Variants in ATP2C1 observed in about 807,000 individuals in gnomAD.
The protein encoded by ATP2C1 is ATPase secretory pathway Ca2+ transporting 1.
Under a neutral mutation model 120.5 loss-of-function variants are expected in ATP2C1, and 31 were observed. The ratio of observed to expected loss-of-function variants is 0.26; its 90% CI spans 0.19 to 0.35. The LOEUF is 0.35. ATP2C1 is among the 10% of genes least tolerant of loss of function. The pLI, the probability that ATP2C1 is intolerant of heterozygous loss-of-function variation, is 1.00. For missense variants in ATP2C1, 731 were observed against 1,107.5 expected, an observed-to-expected ratio of 0.66 and a Z score of 4.83; for synonymous variants, 351 against 358.7, an observed-to-expected ratio of 0.98 and a Z score of 0.24.
rs1286756230 is a variant in ATP2C1 at position 130,964,949 on chromosome 3, C to T, written c.1026C>T (p.Gly342=). 4 of 1,606,380 alleles carry T rather than the reference C, an allele frequency of 2.5e-6. No homozygotes were observed. The highest frequency in any genetic ancestry group is 3.4e-6 in the Non-Finnish European group (4 of 1,174,006). ...VKKLPIVETL[G]CCNVICSDKT... is the part of the protein sequence containing the mutation. ...ACTTGTAATGATTTAATTCTTTAGG[C>T]TGCTGTAATGTGATTTGTTCAGATA... Residue 342 remains glycine, a splice_region_variant and synonymous_variant, in exon 14 of 28, where the codon GGC becomes GGT. Transcript: ENST00000510168.
intron 2 of ATP2C1, among the ~76,000 whole-genome samples, chr3:130,916,075 A>G (rs2685177): frequency 0.18 from 26,827 of 152,098 alleles, 2,524 homozygotes; most frequent in Middle Eastern, 0.24. Context: ...ATTAGGTAAC[A>G]TTCCTTTTAG....
At chr3:130,942,393 T>C (rs77154756) in intron 8 of ATP2C1, among the ~76,000 whole-genome samples, 4,098 of 152,298 alleles carry the variant, frequency 0.027, 189 homozygotes, top group African/African-American at 0.093. Context: ...GTGTGTAGAA[T>C]AGATTGAAGA....
At position 130,956,044 on chromosome 3, in the gene ATP2C1, A is replaced by G. The variant is rs1445083230; in HGVS notation, c.757-60A>G. The stretch of plus-strand genomic sequence containing the variant: ...GTCAAGCACTTAGCAAGCCCCTGGC[A>G]CTTGATAAAGCTTAGTAAATATAGC... On this transcript the variant is annotated intron_variant, in intron 10 of 27. Transcript: ENST00000510168. The G allele has an allele frequency of 4.3e-6, 5 of 1,167,166 alleles. No individual in the cohort carries two copies. The East Asian group carries it at 1.2e-4, about 28-fold the overall frequency. The allele number at this position is 1,167,166 out of a possible 1,614,324, so 72.3% of individuals were successfully genotyped here. A position where few individuals can be genotyped will look rare whatever the true frequency, so the allele number is the denominator to read the frequency against.
At chr3:130,862,777 A>G (rs2068057838) in intron 1 of ATP2C1, among the ~76,000 whole-genome samples, 1 of 152,182 alleles carries the variant, frequency 6.6e-6, no homozygotes. Flanking sequence ...CAATTATATA[A>G]TCCACTAAAT....
chr3:130,948,313 T>A (rs1357744590), intron 8 of ATP2C1, among the ~76,000 whole-genome samples: 1 of 152,130 alleles, frequency 6.6e-6, no homozygotes, highest in Non-Finnish European at 1.5e-5. Context: ...TTTTAAAAGA[T>A]AATGTTGCCA....
intron 11 of ATP2C1, among the ~76,000 whole-genome samples, chr3:130,958,243 T>A (rs1468733096): frequency 6.6e-6 from 1 of 152,186 alleles, no homozygotes; most frequent in Non-Finnish European, 1.5e-5. Context: ...TTTTTGTTTT[T>A]TGTAAAGAAC....
At chr3:130,976,109 T>C (rs1474353444) in intron 18 of ATP2C1, among the ~76,000 whole-genome samples, 5 of 152,210 alleles carry the variant, frequency 3.3e-5, no homozygotes, top group Non-Finnish European at 5.9e-5. Context: ...TATATGTAGT[T>C]ATGTAGTCTC....
intron 2 of ATP2C1, chr3:130,899,280 C>T (rs1471639962): frequency 6.6e-6 from 1 of 152,142 alleles, no homozygotes; most frequent in Non-Finnish European, 1.5e-5. Context: ...AACTAAACTA[C>T]TAATAGTCTC....
chr3:130,999,488 T>C (rs2062788809), intron 26 of ATP2C1, 30 bp from the exon 27 acceptor site: 2 of 1,611,728 alleles, frequency 1.2e-6, no homozygotes, highest in Non-Finnish European at 1.7e-6. Context: ...GACCAAGGAG[T>C]AATAAATGAA....
chr3:130,902,112 T>A (rs1178903026), intron 2 of ATP2C1, among the ~76,000 whole-genome samples: 2 of 152,024 alleles, frequency 1.3e-5, no homozygotes, highest in Non-Finnish European at 2.9e-5. Context: ...TTTCCTCACT[T>A]GTAAAGAGAT....
chr3:130,975,610 C>A, intron 18 of ATP2C1, 122 bp downstream of exon 18: 1 of 1,182,102 alleles, frequency 8.5e-7, no homozygotes, highest in Non-Finnish European at 1.2e-6. Context: ...GAACCCTTGC[C>A]AGTATTGAGG....
At chr3:130,975,592 G>A (rs2061502712) in intron 18 of ATP2C1, 104 bp downstream of exon 18, 1 of 1,321,196 alleles carries the variant, frequency 7.6e-7, no homozygotes, top group South Asian at 1.3e-5. Flanking sequence ...TCACTTCCAG[G>A]ATTTGTAGAA....
intron 7 of ATP2C1, 41 bp from the exon 8 acceptor site, chr3:130,941,548 ATT>A (rs574910930): frequency 7.2e-5 from 84 of 1,172,500 alleles, no homozygotes; most frequent in Non-Finnish European, 8.1e-5. Flanking sequence ...AGTTGCATGA[ATT>A]TTTTTTTTTT....
intron 8 of ATP2C1, among the ~76,000 whole-genome samples, chr3:130,943,814 G>A (rs1244197232): frequency 6.6e-6 from 1 of 152,064 alleles, no homozygotes; most frequent in African/African-American, 2.4e-5. Flanking sequence ...AAAGAGTTGG[G>A]GATCTTTTAT....
At chr3:130,868,027 C>A in intron 1 of ATP2C1, 1 of 157,016 alleles carries the variant, frequency 6.4e-6, no homozygotes, top group Non-Finnish European at 1.4e-5. Flanking sequence ...ACCGCCCCGT[C>A]TGAGAAGTGA....
intron 2 of ATP2C1, among the ~76,000 whole-genome samples, chr3:130,921,132 AGTGCAGGG>A (rs1212048344): frequency 1.5e-5 from 2 of 135,208 alleles, no homozygotes; most frequent in Non-Finnish European, 3.0e-5. Context: ...CCCAGGCTGG[AGTGCAGGG>A]GCACAGTCTT....
chr3:130,992,126 G>A lies in ATP2C1; in HGVS notation c.1840-825G>A, dbSNP rs573696552. Among the ~76,000 whole-genome samples, 6 of 152,340 alleles carry A rather than the reference G, an allele frequency of 3.9e-5. No homozygotes were observed. In the East Asian group the frequency reaches 9.6e-4, roughly 24 times the overall value. On this transcript the variant is annotated intron_variant, in intron 20 of 27. Coordinates refer to ENST00000510168, the MANE Select transcript of ATP2C1 (RefSeq NM_001378687.1). ...GAATGCTTACAGTTAGTGAGTTACA[G>A]TCTCATCTGACATTCAGAACTGAGG...
intron 5 of ATP2C1, among the ~76,000 whole-genome samples, chr3:130,937,199 G>C (rs1348411173): frequency 6.6e-6 from 1 of 152,090 alleles, no homozygotes; most frequent in Non-Finnish European, 1.5e-5. Flanking sequence ...AGCATAAAAG[G>C]GCCCTGAGAT....
rs1326833130 is a variant in ATP2C1 at position 131,001,525 on chromosome 3, A to G, written c.*175A>G. ...CCTGCTGGCAGTCCCAAATGAAATT[A>G]TGCAACTTTGATATCATATTCCTTG... is the stretch of plus-strand genomic sequence containing the variant. On this transcript the variant is annotated 3_prime_UTR_variant, in exon 28 of 28. Transcript: ENST00000510168. 10 of 1,312,774 alleles carry G rather than the reference A, an allele frequency of 7.6e-6. No homozygotes were observed. The highest frequency in any genetic ancestry group is 1.5e-5 in the African/African-American group (1 of 66,462). The allele number at this position is 1,312,774 out of a possible 1,614,324, so 81.3% of individuals were successfully genotyped here.
Sources: gnomAD v4.1 joint callset for allele counts (sites outside exome capture counted in the v4.1 genomes callset) on GRCh38, gnomAD v4.1.1 for gene constraint, MANE v1.5 for transcripts, NCBI Gene and HGNC (gene_info 2026-07-23, HGNC 2026-07-21) for gene names.